The following CCSER1 variants were observed in gnomAD, a reference collection of about 807,000 sequenced individuals.
CCSER1 encodes the protein serine-rich coiled-coil domain-containing protein 1.
CCSER1 carries 41 observed loss-of-function variants against 82.0 expected under a neutral mutation model. The ratio of observed to expected loss-of-function variants is 0.50; its 90% CI spans 0.39 to 0.65. CCSER1 has a LOEUF of 0.65. CCSER1 is among the 30% of genes least tolerant of loss of function. The probability of loss-of-function intolerance (pLI) is 0.00; values close to 1 mark genes in which losing one functional copy is unlikely to be tolerated. For missense variants in CCSER1, 1,119 were observed against 1,064.2 expected (o/e 1.05, Z -0.72); for synonymous variants, 414 against 383.9 (o/e 1.08, Z -0.92).
chr4:90,821,738 A>G (rs1289192427), intron 8 of CCSER1, among the ~76,000 whole-genome samples: 2 of 152,174 alleles, frequency 1.3e-5, no homozygotes, highest in Non-Finnish European at 1.5e-5. Flanking sequence ...TAAAACAGAG[A>G]GATATTTTTC....
At chr4:91,194,955 A>G (rs1735291952) in intron 10 of CCSER1, among the ~76,000 whole-genome samples, 1 of 152,218 alleles carries the variant, frequency 6.6e-6, no homozygotes, top group East Asian at 1.9e-4. Flanking sequence ...GGGTTATCTG[A>G]GAACTTACAA....
intron 5 of CCSER1, among the ~76,000 whole-genome samples, chr4:90,470,775 A>C (rs1005247278): frequency 1.3e-4 from 20 of 150,772 alleles, no homozygotes; most frequent in Non-Finnish European, 2.5e-4. Flanking sequence ...AAAAAAAAAA[A>C]AAAAAACAAA....
At position 91,222,173 on chromosome 4, in the gene CCSER1, T is replaced by C. The variant is rs1419731442; in HGVS notation, c.2217+136179T>C. On this transcript the variant is annotated intron_variant, in intron 10 of 10. Coordinates refer to ENST00000509176, the MANE Select transcript of CCSER1 (RefSeq NM_001145065.2). ...CTGTGAACTGATTTTCAGGGCTGAA[T>C]GAAGAAGCACGGATTATGCTCTGCA... is the stretch of plus-strand genomic sequence containing the variant. 2.7e-5 allele frequency among the ~76,000 whole-genome samples: 4 copies of C among 150,910 alleles called. No individual in the cohort carries two copies. In the East Asian group the frequency reaches 7.9e-4, roughly 30 times the overall value.
At chr4:91,086,197 C>T (rs1222095764) in intron 10 of CCSER1, among the ~76,000 whole-genome samples, 1 of 152,034 alleles carries the variant, frequency 6.6e-6, no homozygotes, top group Admixed American at 6.6e-5. Context: ...TGTGCTTGTT[C>T]CTCTGAAGCT....
At chr4:90,941,349 A>G (rs1168876744) in intron 9 of CCSER1, among the ~76,000 whole-genome samples, 1 of 152,124 alleles carries the variant, frequency 6.6e-6, no homozygotes, top group Admixed American at 6.5e-5. Context: ...TGATTTTTTA[A>G]TGAAGACCCT....
intron 9 of CCSER1, among the ~76,000 whole-genome samples, chr4:91,046,816 C>T (rs1013168164): frequency 6.6e-6 from 1 of 151,984 alleles, no homozygotes; most frequent in Non-Finnish European, 1.5e-5. Flanking sequence ...CTCCCAGGTT[C>T]AAGCAATTCC....
chr4:91,265,431 G>A (rs954710118), intron 10 of CCSER1, among the ~76,000 whole-genome samples: 2 of 151,920 alleles, frequency 1.3e-5, no homozygotes, highest in South Asian at 2.1e-4. Flanking sequence ...GATAACATAT[G>A]TTCCTGTCAA....
intron 5 of CCSER1, among the ~76,000 whole-genome samples, chr4:90,538,758 A>T (rs1775737820): frequency 1.3e-5 from 2 of 152,064 alleles, no homozygotes; most frequent in African/African-American, 4.8e-5. Context: ...TGAAATCTCT[A>T]GATTGTCTCC....
At chr4:90,983,204 G>T (rs942365371) in intron 9 of CCSER1, among the ~76,000 whole-genome samples, 2 of 151,658 alleles carry the variant, frequency 1.3e-5, no homozygotes, top group Non-Finnish European at 2.9e-5. Context: ...TTGGATAAAT[G>T]TAATCAATAA....
chr4:90,307,842 C>T (rs1273134182), intron 1 of CCSER1, among the ~76,000 whole-genome samples: 1 of 151,966 alleles, frequency 6.6e-6, no homozygotes, highest in African/African-American at 2.4e-5. Context: ...GGCATTTACC[C>T]AGACAGAAAT....
intron 6 of CCSER1, chr4:90,693,339 G>A (rs1319289146): frequency 1.3e-5 from 2 of 151,794 alleles, no homozygotes; most frequent in Non-Finnish European, 2.9e-5. Flanking sequence ...TATAGTAATG[G>A]TTTAAAACAA....
intron 3 of CCSER1, among the ~76,000 whole-genome samples, chr4:90,353,687 T>G (rs1265536391): frequency 6.6e-6 from 1 of 152,164 alleles, no homozygotes; most frequent in African/African-American, 2.4e-5. Context: ...TATGTCTCCT[T>G]TGGAACAATA....
chr4:90,527,465 C>T (rs996855588), intron 5 of CCSER1, among the ~76,000 whole-genome samples: 1 of 151,258 alleles, frequency 6.6e-6, no homozygotes, highest in Non-Finnish European at 1.5e-5. Flanking sequence ...AGAAATAACA[C>T]AAAAATATCA....
At position 90,151,646 on chromosome 4, in the gene CCSER1, C is replaced by T. The variant is rs114129536; in HGVS notation, c.-42+23815C>T. 2.0e-3 allele frequency among the ~76,000 whole-genome samples: 307 copies of T among 152,092 alleles called. 1 individual carries two copies. Among genetic ancestry groups the T allele is most frequent in the African/African-American group, 7.2e-3 (298 of 41,538 alleles). Reference sequence around the variant, plus strand: ...AAAACTAATGATACAAAGAGTACACCTGGAGAGCAAACTCATAATCATTTT... The same window carrying T: ...AAAACTAATGATACAAAGAGTACACTTGGAGAGCAAACTCATAATCATTTT... On this transcript the variant is annotated intron_variant, in intron 1 of 10. Coordinates refer to ENST00000509176, the MANE Select transcript of CCSER1 (RefSeq NM_001145065.2).
At chr4:91,384,969 C>G (rs1327059523) in intron 10 of CCSER1, among the ~76,000 whole-genome samples, 1 of 152,020 alleles carries the variant, frequency 6.6e-6, no homozygotes, top group Non-Finnish European at 1.5e-5. Context: ...CAGTCATTCT[C>G]ATGCATTGCA....
At chr4:91,470,349 T>G (rs1311307787) in intron 10 of CCSER1, among the ~76,000 whole-genome samples, 1 of 152,198 alleles carries the variant, frequency 6.6e-6, no homozygotes, top group African/African-American at 2.4e-5. Flanking sequence ...AGTAATTCTA[T>G]TCCTCCTTCT....
In CCSER1 at chr4:90,672,608, A is replaced by G. The variant is rs569950835; in HGVS notation, c.1932+44376A>G. Among the ~76,000 whole-genome samples the G allele has an allele frequency of 6.6e-5, 10 of 152,114 alleles. No individual in the cohort carries two copies. In the South Asian group the frequency reaches 2.1e-3, roughly 32 times the overall value. ...TAGAGTAGTACTTTTAATTTCCTTCAGGAATGTTTTCTTTGCTTTCACAAC... is the reference window on the plus strand; with the variant it reads ...TAGAGTAGTACTTTTAATTTCCTTCGGGAATGTTTTCTTTGCTTTCACAAC... On this transcript the variant is annotated intron_variant, in intron 6 of 10. Coordinates refer to ENST00000509176, the MANE Select transcript of CCSER1 (RefSeq NM_001145065.2).
intron 1 of CCSER1, among the ~76,000 whole-genome samples, chr4:90,216,979 T>A (rs1038054333): frequency 1.3e-4 from 20 of 152,218 alleles, no homozygotes; most frequent in Non-Finnish European, 2.8e-4. Context: ...TTTGTAGTTC[T>A]CCTTGTAGTG....
intron 9 of CCSER1, among the ~76,000 whole-genome samples, chr4:90,959,203 G>T (rs1229432348): frequency 2.6e-5 from 4 of 152,138 alleles, no homozygotes; most frequent in African/African-American, 7.2e-5. Context: ...TTAAAAGGAA[G>T]TCAGTGCATC....
Sources: allele counts gnomAD v4.1 joint callset (sites outside exome capture counted in the v4.1 genomes callset), GRCh38; gene constraint gnomAD v4.1.1; transcripts MANE v1.5; gene names NCBI Gene and HGNC (gene_info 2026-07-23, HGNC 2026-07-21).